FTO: variants seen among roughly 807,000 people sequenced by gnomAD.
FTO encodes FTO alpha-ketoglutarate dependent dioxygenase.
Under a neutral mutation model 63.9 loss-of-function variants are expected in FTO, and 47 were observed. The ratio of observed to expected loss-of-function variants is 0.74; its 90% CI spans 0.58 to 0.94. The LOEUF is 0.94. Ranked by LOEUF, FTO falls within the 40% of genes least tolerant of loss-of-function variation. The pLI is 0.00. For missense variants in FTO, 562 were observed against 618.1 expected, an observed-to-expected ratio of 0.91 and a Z score of 0.96; for synonymous variants, 207 against 224.4, an observed-to-expected ratio of 0.92 and a Z score of 0.69.
chr16:53,855,091 G>A (rs1219139183), intron 4 of FTO, among the ~76,000 whole-genome samples: 1 of 151,120 alleles, frequency 6.6e-6, no homozygotes, highest in Non-Finnish European at 1.5e-5. Flanking sequence ...TTCTCAGCTT[G>A]GTCATTGTTA....
chr16:54,007,004 A>G (rs9922370), intron 8 of FTO, among the ~76,000 whole-genome samples: 27,623 of 152,108 alleles, frequency 0.18, 2,992 homozygotes, highest in African/African-American at 0.28. Context: ...GGGAATTGTG[A>G]AATGTGTCTC....
intron 7 of FTO, among the ~76,000 whole-genome samples, chr16:53,921,438 A>G (rs777784369): frequency 8.5e-5 from 13 of 152,278 alleles, no homozygotes; most frequent in Non-Finnish European, 1.9e-4. Flanking sequence ...TGGCTCAATT[A>G]TTTCGTACTT....
At chr16:54,054,460 G>A (rs1223400780) in intron 8 of FTO, 1 of 152,102 alleles carries the variant, frequency 6.6e-6, no homozygotes, top group African/African-American at 2.4e-5. Flanking sequence ...CCAAGCTGAT[G>A]GAATTAAAAC....
At position 54,064,836 on chromosome 16, in the gene FTO, G is replaced by T. The variant is rs183269961; in HGVS notation, c.1365-46926G>T. On this transcript the variant is annotated intron_variant, in intron 8 of 8. Transcript: ENST00000471389. ...CACGGGGTGACAGGGAAGCACGCCAGATAACCGGAGCTCAGTTGGCTGAAG... is the reference window on the plus strand; with the variant it reads ...CACGGGGTGACAGGGAAGCACGCCATATAACCGGAGCTCAGTTGGCTGAAG... Among the ~76,000 whole-genome samples the T allele has an allele frequency of 2.0e-3, 307 of 152,304 alleles. 3 individuals are homozygous for T. The highest frequency in any genetic ancestry group is 3.5e-3 in the Non-Finnish European group (241 of 68,028).
intron 1 of FTO, among the ~76,000 whole-genome samples, chr16:53,765,173 T>A (rs1052477102): frequency 2.0e-5 from 3 of 152,234 alleles, no homozygotes; most frequent in African/African-American, 7.2e-5. Context: ...TGCTCAGGGC[T>A]GTACTGTACT....
chr16:53,962,659 T>C (rs1420037833), intron 8 of FTO, among the ~76,000 whole-genome samples: 3 of 152,232 alleles, frequency 2.0e-5, no homozygotes, highest in Non-Finnish European at 4.4e-5. Flanking sequence ...TGATAATGGC[T>C]AGCATTAGTG....
intron 8 of FTO, among the ~76,000 whole-genome samples, chr16:54,051,756 T>C (rs1242391222): frequency 6.6e-6 from 1 of 152,258 alleles, no homozygotes; most frequent in Non-Finnish European, 1.5e-5. Flanking sequence ...TTTAAAATTA[T>C]ATTTAAAAGG....
At chr16:53,822,045 A>C (rs541973135) in intron 2 of FTO, among the ~76,000 whole-genome samples, 1 of 152,280 alleles carries the variant, frequency 6.6e-6, no homozygotes, top group East Asian at 1.9e-4. Context: ...TTCACTGGAC[A>C]GAAGTAATCC....
intron 8 of FTO, among the ~76,000 whole-genome samples, chr16:54,075,977 G>A (rs56374632): frequency 2.6e-5 from 4 of 152,192 alleles, no homozygotes; most frequent in African/African-American, 9.6e-5. Flanking sequence ...AATATGCGAG[G>A]CCGGATTCCC....
chr16:53,982,099 G>C (rs12926264), intron 8 of FTO, among the ~76,000 whole-genome samples: 213 of 151,768 alleles, frequency 1.4e-3, no homozygotes, highest in Non-Finnish European at 2.3e-3. Flanking sequence ...CAAAAAACAA[G>C]ACATTCTTAG....
chr16:53,915,992 G>A (rs2081855454), intron 7 of FTO, among the ~76,000 whole-genome samples: 1 of 152,196 alleles, frequency 6.6e-6, no homozygotes, highest in Non-Finnish European at 1.5e-5. Flanking sequence ...TATTAATCAA[G>A]ACAGAAACAT....
intron 8 of FTO, among the ~76,000 whole-genome samples, chr16:54,098,552 C>G (rs1446703966): frequency 2.0e-5 from 3 of 152,302 alleles, no homozygotes; most frequent in Admixed American, 6.5e-5. Flanking sequence ...GAACAGCTGG[C>G]CTTTTATTCT....
chr16:53,984,960 T>G (rs2083632713), intron 8 of FTO: 2 of 456,618 alleles, frequency 4.4e-6, no homozygotes, highest in South Asian at 3.1e-5. Flanking sequence ...TGTTGGTAAG[T>G]AGAGAAATTA....
chr16:53,711,125 T>G (rs1373064347), intron 1 of FTO, among the ~76,000 whole-genome samples: 1 of 152,136 alleles, frequency 6.6e-6, no homozygotes, highest in Non-Finnish European at 1.5e-5. Context: ...CCACCTTCAC[T>G]ACTGCCTATC....
chr16:54,038,457 T>C (rs1009539428), intron 8 of FTO, among the ~76,000 whole-genome samples: 9 of 152,198 alleles, frequency 5.9e-5, no homozygotes, highest in African/African-American at 1.9e-4. Context: ...CCTCACTGTC[T>C]ACCTCTGATG....
intron 1 of FTO, among the ~76,000 whole-genome samples, chr16:53,791,971 G>T (rs1286984452): frequency 6.6e-6 from 1 of 152,020 alleles, no homozygotes; most frequent in African/African-American, 2.4e-5. Flanking sequence ...AGCTACTCGG[G>T]AGGCTGAGGC....
At chr16:53,909,569 GAGCCTTTTTTTTGAGACA>G (rs1567425429) in intron 7 of FTO, among the ~76,000 whole-genome samples, 3 of 69,470 alleles carry the variant, frequency 4.3e-5, no homozygotes, top group Admixed American at 1.8e-4. Flanking sequence ...TTTTGAGACA[GAGCCTTTTTTTTGAGACA>G]GAGTCTCACT....
chr16:54,111,421 G>A (rs2086883588), intron 8 of FTO, among the ~76,000 whole-genome samples: 2 of 151,958 alleles, frequency 1.3e-5, no homozygotes, highest in Admixed American at 1.3e-4. Context: ...TCTGATAATG[G>A]CTTAATCACA....
intron 7 of FTO, among the ~76,000 whole-genome samples, chr16:53,920,193 A>T (rs1225135037): frequency 6.6e-6 from 1 of 152,148 alleles, no homozygotes; most frequent in Non-Finnish European, 1.5e-5. Context: ...TAAGGGCCTT[A>T]TGTGTAAAAA....
Sources: gnomAD v4.1 joint callset for allele counts (sites outside exome capture counted in the v4.1 genomes callset) on GRCh38, gnomAD v4.1.1 for gene constraint, MANE v1.5 for transcripts, NCBI Gene and HGNC (gene_info 2026-07-23, HGNC 2026-07-21) for gene names.